Variants in CRPPA observed in about 807,000 individuals in gnomAD.
CRPPA encodes CDP-L-ribitol pyrophosphorylase A.
In CRPPA, 43 loss-of-function variants were observed where a neutral mutation model predicts 52.0. The observed-to-expected ratio is 0.83, with a 90% CI of 0.65 to 1.07. The LOEUF (loss-of-function observed/expected upper bound fraction) is 1.07, where lower values mean the gene tolerates loss of function less well. Among genes scored for constraint, CRPPA ranks in the 50% least tolerant of loss-of-function variants. CRPPA has a pLI of 0.00. For synonymous variants in CRPPA, 250 were observed against 203.5 expected (o/e 1.23, Z -1.94); for missense variants, 629 against 551.7 (o/e 1.14, Z -1.40).
intron 8 of CRPPA, among the ~76,000 whole-genome samples, chr7:16,236,247 T>G (rs181290819): frequency 6.6e-6 from 1 of 152,212 alleles, no homozygotes; most frequent in East Asian, 1.9e-4. Flanking sequence ...TACTACTCAG[T>G]AGGCAGAGGA....
intron 9 of CRPPA, among the ~76,000 whole-genome samples, chr7:16,139,226 T>C (rs1782820482): frequency 6.6e-6 from 1 of 152,228 alleles, no homozygotes; most frequent in African/African-American, 2.4e-5. Context: ...GTCAAAGATC[T>C]GAGACTTAAG....
chr7:16,339,515 G>C (rs1354722892), intron 3 of CRPPA, among the ~76,000 whole-genome samples: 2 of 152,084 alleles, frequency 1.3e-5, no homozygotes, highest in African/African-American at 4.8e-5. Flanking sequence ...ATGATAACAA[G>C]TCAGCAACCT....
At chr7:16,154,515 A>G (rs1374476962) in intron 9 of CRPPA, among the ~76,000 whole-genome samples, 2 of 152,172 alleles carry the variant, frequency 1.3e-5, no homozygotes, top group African/African-American at 4.8e-5. Flanking sequence ...AGAGTATATC[A>G]TATATACTCC....
At chr7:16,221,101 C>T (rs371122662) in intron 8 of CRPPA, among the ~76,000 whole-genome samples, 2 of 151,964 alleles carry the variant, frequency 1.3e-5, no homozygotes, top group Non-Finnish European at 2.9e-5. Context: ...ACAGAGAAAT[C>T]GATCAATGGA....
intron 8 of CRPPA, among the ~76,000 whole-genome samples, chr7:16,241,795 A>T (rs1783114388): frequency 1.3e-5 from 2 of 152,138 alleles, no homozygotes; most frequent in African/African-American, 4.8e-5. Flanking sequence ...CCGCTAAAAA[A>T]CACATATAGT....
intron 9 of CRPPA, among the ~76,000 whole-genome samples, chr7:16,200,049 G>A (rs1026800658): frequency 6.6e-6 from 1 of 151,800 alleles, no homozygotes; most frequent in Non-Finnish European, 1.5e-5. Flanking sequence ...GTAGAGATGG[G>A]ATTTTACCAT....
At chr7:16,167,484 G>A (rs1267338929) in intron 9 of CRPPA, among the ~76,000 whole-genome samples, 1 of 152,192 alleles carries the variant, frequency 6.6e-6, no homozygotes, top group Non-Finnish European at 1.5e-5. Flanking sequence ...GGTTTTCCGA[G>A]ATGGTCTATC....
intron 2 of CRPPA, among the ~76,000 whole-genome samples, chr7:16,380,225 T>G (rs1787041256): frequency 6.6e-6 from 1 of 151,582 alleles, no homozygotes; most frequent in Non-Finnish European, 1.5e-5. Flanking sequence ...GTCAAAGGCC[T>G]TTTCTGCATC....
chr7:16,391,699 T>A (rs1396874999), intron 2 of CRPPA, among the ~76,000 whole-genome samples: 1 of 152,154 alleles, frequency 6.6e-6, no homozygotes, highest in Non-Finnish European at 1.5e-5. Flanking sequence ...CCTATTTCCA[T>A]CACTGCAGAA....
At chr7:16,098,113 T>A (rs1471624817) in intron 9 of CRPPA, among the ~76,000 whole-genome samples, 8 of 152,166 alleles carry the variant, frequency 5.3e-5, no homozygotes, top group Non-Finnish European at 1.2e-4. Flanking sequence ...GTAAACAAAC[T>A]TATAGTAGGC....
intron 3 of CRPPA, among the ~76,000 whole-genome samples, chr7:16,358,511 C>T (rs978818579): frequency 2.0e-5 from 3 of 152,162 alleles, no homozygotes. Flanking sequence ...TATCCTGCCA[C>T]CCCCATTCAC....
chr7:16,326,061 C>CA (rs5882567), intron 3 of CRPPA, among the ~76,000 whole-genome samples: 63,277 of 135,416 alleles, frequency 0.47, 14,091 homozygotes, highest in South Asian at 0.59. Context: ...AAGAAAATCT[C>CA]AAAAAAAAAA....
chr7:16,089,499 G>A lies in CRPPA; in HGVS notation c.*2196C>T, dbSNP rs576909364. On this transcript the variant is annotated 3_prime_UTR_variant, in exon 10 of 10. Transcript: ENST00000407010. ...TACATATATACGGGTATATATGTAC[G>A]TACATACATAGATATGGGTATATAT... The A allele has an allele frequency of 6.8e-5, 18 of 263,176 alleles. No individual in the cohort carries two copies. The highest frequency in any genetic ancestry group is 9.6e-5 in the Non-Finnish European group (12 of 125,246). The allele number at this position is 263,176 out of a possible 1,614,324, so 16.3% of individuals were successfully genotyped here.
intron 8 of CRPPA, among the ~76,000 whole-genome samples, chr7:16,218,855 AC>A (rs1782413793): frequency 6.7e-6 from 1 of 149,838 alleles, no homozygotes; most frequent in African/African-American, 2.5e-5. Context: ...AGACTTTAAC[AC>A]CCCACTGTCA....
chr7:16,353,773 C>G (rs1786221074), intron 3 of CRPPA, among the ~76,000 whole-genome samples: 1 of 151,968 alleles, frequency 6.6e-6, no homozygotes, highest in African/African-American at 2.4e-5. Context: ...TCACTTGAAC[C>G]CGGGAGGCAC....
intron 9 of CRPPA, among the ~76,000 whole-genome samples, chr7:16,151,648 T>C (rs1783077844): frequency 6.6e-6 from 1 of 152,106 alleles, no homozygotes; most frequent in African/African-American, 2.4e-5. Context: ...GAAGTGTATT[T>C]CTTCCATACG....
intron 8 of CRPPA, among the ~76,000 whole-genome samples, chr7:16,226,817 A>G (rs1190971183): frequency 6.6e-6 from 1 of 151,868 alleles, no homozygotes; most frequent in African/African-American, 2.4e-5. Flanking sequence ...TTGTGGTAAT[A>G]TTTTATATCC....
At chr7:16,326,254 T>C (rs539437164) in intron 3 of CRPPA, among the ~76,000 whole-genome samples, 50 of 152,222 alleles carry the variant, frequency 3.3e-4, no homozygotes, top group Middle Eastern at 6.8e-3. Context: ...TATCATGATA[T>C]TAAACAGACA....
chr7:16,352,881 A>G (rs1261412424), intron 3 of CRPPA, among the ~76,000 whole-genome samples: 1 of 1,468 alleles, frequency 6.8e-4, no homozygotes, highest in Admixed American at 8.6e-3. Flanking sequence ...GTAACATGGC[A>G]CACACACACA....
Sources: allele counts gnomAD v4.1 joint callset (sites outside exome capture counted in the v4.1 genomes callset), GRCh38; gene constraint gnomAD v4.1.1; transcripts MANE v1.5; gene names NCBI Gene and HGNC (gene_info 2026-07-23, HGNC 2026-07-21).